The following GALNT13 variants were observed in gnomAD, a reference collection of about 807,000 sequenced individuals.
The protein encoded by GALNT13 is polypeptide N-acetylgalactosaminyltransferase 13, also known as UDP-GalNAc:polypeptide N-acetylgalactosaminyltransferase 13.
GALNT13 carries 28 observed loss-of-function variants against 64.2 expected under a neutral mutation model. That is an observed-to-expected ratio of 0.44 (90% confidence interval 0.32 to 0.60). The LOEUF is 0.60. Ranked by LOEUF, GALNT13 falls within the 20% of genes least tolerant of loss-of-function variation. The pLI is 0.05. For synonymous variants in GALNT13, 214 were observed against 224.6 expected (o/e 0.95, Z 0.42); for missense variants, 577 against 669.8 (o/e 0.86, Z 1.53).
chr2:153,519,852 G>A, the GALNT13 span, among the ~76,000 whole-genome samples: 2 of 152,092 alleles, frequency 1.3e-5, no homozygotes, highest in Non-Finnish European at 2.9e-5. Flanking sequence ...TTCAAGTTTA[G>A]TATTATTTCT....
intron 3 of GALNT13, among the ~76,000 whole-genome samples, chr2:153,947,624 T>A (rs771800882): frequency 1.3e-5 from 2 of 152,120 alleles, no homozygotes; most frequent in Non-Finnish European, 2.9e-5. Flanking sequence ...TCTCCCATTC[T>A]GTAGGTTGTC....
chr2:153,073,673 C>A, the GALNT13 span, among the ~76,000 whole-genome samples: 1 of 151,974 alleles, frequency 6.6e-6, no homozygotes, highest in African/African-American at 2.4e-5. Flanking sequence ...ACAAAGTGAC[C>A]ATTTTATTGT....
At chr2:153,163,640 T>C in the GALNT13 span, among the ~76,000 whole-genome samples, 1 of 152,046 alleles carries the variant, frequency 6.6e-6, no homozygotes, top group Non-Finnish European at 1.5e-5. Flanking sequence ...AAAGCATAGA[T>C]ACCCTTAAAA....
chr2:154,369,500 T>C (rs1697561857), intron 9 of GALNT13, among the ~76,000 whole-genome samples: 1 of 152,154 alleles, frequency 6.6e-6, no homozygotes. Flanking sequence ...GTACCACACA[T>C]AGCTTCCTCA....
the GALNT13 span, among the ~76,000 whole-genome samples, chr2:153,808,646 A>G: frequency 6.6e-6 from 1 of 152,180 alleles, no homozygotes; most frequent in African/African-American, 2.4e-5. Context: ...TACTCTGACC[A>G]CTACATGCTG....
intron 3 of GALNT13, among the ~76,000 whole-genome samples, chr2:153,971,521 C>T (rs1435044500): frequency 6.6e-6 from 1 of 152,078 alleles, no homozygotes; most frequent in African/African-American, 2.4e-5. Flanking sequence ...ATCTGCAGAG[C>T]AAGAATTCAG....
At chr2:153,474,552 T>A in the GALNT13 span, among the ~76,000 whole-genome samples, 1 of 152,168 alleles carries the variant, frequency 6.6e-6, no homozygotes, top group Admixed American at 6.5e-5. Context: ...TTGCTACATT[T>A]TCAGAGAGAG....
chr2:153,345,686 T>G, the GALNT13 span, among the ~76,000 whole-genome samples: 66 of 145,592 alleles, frequency 4.5e-4, no homozygotes, highest in African/African-American at 1.5e-3. Context: ...TTTCTTTCTT[T>G]CTTTCTTTCT....
the GALNT13 span, among the ~76,000 whole-genome samples, chr2:153,587,232 CA>C: frequency 4.4e-4 from 57 of 129,570 alleles, no homozygotes; most frequent in East Asian, 3.2e-3. Context: ...GACTCTGTCT[CA>C]AAAAAAAAAA....
At chr2:154,228,509 T>C (rs1221027270) in intron 4 of GALNT13, among the ~76,000 whole-genome samples, 5 of 152,150 alleles carry the variant, frequency 3.3e-5, no homozygotes, top group African/African-American at 9.6e-5. Flanking sequence ...CTGGATGTGG[T>C]CCCTGCTATT....
At chr2:153,910,320 T>C (rs1009507579) in intron 2 of GALNT13, among the ~76,000 whole-genome samples, 15 of 152,088 alleles carry the variant, frequency 9.9e-5, no homozygotes, top group Admixed American at 4.6e-4. Context: ...GTTTATCTTC[T>C]ATCTTTTTCT....
the GALNT13 span, among the ~76,000 whole-genome samples, chr2:153,409,935 A>C: frequency 6.6e-5 from 10 of 152,324 alleles, no homozygotes; most frequent in African/African-American, 2.4e-4. Context: ...AAAAGTTGTG[A>C]ACTTGAAGGA....
At chr2:154,160,251 G>A (rs1441551355) in intron 4 of GALNT13, among the ~76,000 whole-genome samples, 1 of 152,128 alleles carries the variant, frequency 6.6e-6, no homozygotes, top group Non-Finnish European at 1.5e-5. Context: ...TTTGTGAGAA[G>A]CATTTTGGAG....
At chr2:153,665,158 A>G in the GALNT13 span, among the ~76,000 whole-genome samples, 696 of 152,336 alleles carry the variant, frequency 4.6e-3, 2 homozygotes, top group African/African-American at 0.015. Flanking sequence ...GCTTTATACA[A>G]TGGAACTGAG....
At chr2:154,148,415 AT>A in intron 4 of GALNT13, among the ~76,000 whole-genome samples, 1 of 152,304 alleles carries the variant, frequency 6.6e-6, no homozygotes, top group East Asian at 1.9e-4. Flanking sequence ...TAGCAGCATG[AT>A]TTATAGTCCT....
At chr2:153,269,584 G>A in the GALNT13 span, among the ~76,000 whole-genome samples, 126,426 of 152,090 alleles carry the variant, frequency 0.83, 53,801 homozygotes, top group African/African-American at 0.93. Context: ...GCTTGTTACC[G>A]TTTCCAAAGT....
chr2:153,574,886 G>T, the GALNT13 span, among the ~76,000 whole-genome samples: 133,217 of 151,860 alleles, frequency 0.88, 58,937 homozygotes, highest in Middle Eastern at 0.96. Context: ...TATTATTTTA[G>T]TTGGTGAGTT....
At chr2:154,175,785 A>G (rs1685614648) in intron 4 of GALNT13, among the ~76,000 whole-genome samples, 1 of 152,178 alleles carries the variant, frequency 6.6e-6, no homozygotes, top group South Asian at 2.1e-4. Context: ...TCATAATTTC[A>G]AAATAGTAAC....
intron 2 of GALNT13, among the ~76,000 whole-genome samples, chr2:153,915,895 A>G (rs574921083): frequency 6.6e-6 from 1 of 152,160 alleles, no homozygotes; most frequent in South Asian, 2.1e-4. Context: ...TATATTTTCT[A>G]CCTACCCATC....
Sources: gnomAD v4.1 joint callset for allele counts (sites outside exome capture counted in the v4.1 genomes callset) on GRCh38, gnomAD v4.1.1 for gene constraint, MANE v1.5 for transcripts, NCBI Gene and HGNC (gene_info 2026-07-23, HGNC 2026-07-21) for gene names.